The following COL9A1 variants were observed in gnomAD, a reference collection of about 807,000 sequenced individuals.
COL9A1 encodes collagen alpha-1(IX) chain.
Under a neutral mutation model 142.6 loss-of-function variants are expected in COL9A1, and 104 were observed. The ratio of observed to expected loss-of-function variants is 0.73; its 90% confidence interval spans 0.62 to 0.86. The LOEUF is 0.86. Ranked by LOEUF, COL9A1 falls within the 40% of genes least tolerant of loss-of-function variation. The pLI is 0.00. For missense variants in COL9A1, 1,210 were observed against 1,176.6 expected (o/e 1.03, Z -0.42); for synonymous variants, 466 against 396.0 (o/e 1.18, Z -2.10).
intron 10 of COL9A1, 42 bp downstream of exon 10, chr6:70,280,770 C>T (rs1773102288): frequency 6.3e-7 from 1 of 1,592,860 alleles, no homozygotes; most frequent in African/African-American, 1.3e-5. Context: ...GTACCCACCA[C>T]ACACCCCAGG....
At chr6:70,232,442 G>T (rs748515682) in intron 36 of COL9A1, 141 bp downstream of exon 36, 2 of 985,870 alleles carry the variant, frequency 2.0e-6, no homozygotes, top group Admixed American at 3.6e-5. Context: ...AATCTTCACC[G>T]TCACTATTGA....
intron 36 of COL9A1, among the ~76,000 whole-genome samples, chr6:70,229,341 T>C (rs1432905262): frequency 6.6e-6 from 1 of 152,120 alleles, no homozygotes; most frequent in Non-Finnish European, 1.5e-5. Context: ...GTTAGCCTCC[T>C]CAGTCAAAAA....
At chr6:70,244,019 G>T (rs758871003) in intron 28 of COL9A1, among the ~76,000 whole-genome samples, 1 of 152,010 alleles carries the variant, frequency 6.6e-6, no homozygotes, top group Non-Finnish European at 1.5e-5. Context: ...ATTCTGACTC[G>T]TGCTATTTAT....
intron 37 of COL9A1, among the ~76,000 whole-genome samples, chr6:70,221,305 T>G (rs1204186976): frequency 1.3e-5 from 2 of 152,198 alleles, no homozygotes; most frequent in East Asian, 1.9e-4. Flanking sequence ...ATTTCATAAT[T>G]AATCCACTGG....
rs138158570 is a variant in COL9A1, at chr6:70,218,051, G to A, written c.2582-970C>T. Among the ~76,000 whole-genome samples the A allele has an allele frequency of 7.5e-3, 1,143 of 152,284 alleles. 12 individuals carry two copies. Among genetic ancestry groups the A allele is most frequent in the African/African-American group, 0.026 (1,078 of 41,552 alleles). ...CTAGCTACTCAGGAGGCTGAGGCAG[G>A]AGAATTACTTGCACCCGGGAGGCAG... is the stretch of plus-strand genomic sequence containing the variant. On this transcript the variant is annotated intron_variant, in intron 37 of 37. Transcript: ENST00000357250.
At position 70,255,389 on chromosome 6, in the gene COL9A1, C is replaced by T. The variant is rs376101677; in HGVS notation, c.1505G>A (p.Gly502Asp). ...TGGAGGTCCTCGCTGTCCTTGATCA[C>T]CCTGTATGAAAATAAAATTTTGTTA... is the stretch of plus-strand genomic sequence containing the variant. ...PGPQGLPGAP[G>D]DQGQRGPPGE... Residue 502 changes from glycine to aspartate, a missense_variant and splice_region_variant, in exon 22 of 38, where the codon GGT (glycine) becomes GAT (aspartate). Transcript: ENST00000357250. The T allele has an allele frequency of 7.4e-6, 12 of 1,614,004 alleles. No individual in the cohort carries two copies. The African/African-American group carries it at 1.3e-4, about 18-fold the overall frequency.
At chr6:70,236,890 C>T (rs1373471178) in intron 33 of COL9A1, among the ~76,000 whole-genome samples, 1 of 151,460 alleles carries the variant, frequency 6.6e-6, no homozygotes, top group Non-Finnish European at 1.5e-5. Context: ...GGCGTGATCT[C>T]GGCTCACCAC....
intron 4 of COL9A1, among the ~76,000 whole-genome samples, chr6:70,297,959 T>C (rs1198262771): frequency 6.6e-6 from 1 of 152,146 alleles, no homozygotes; most frequent in African/African-American, 2.4e-5. Flanking sequence ...TACCGTAATA[T>C]TTTCCTCCCA....
At chr6:70,254,649 C>G (rs531252102) in intron 24 of COL9A1, 120 bp from the exon 25 acceptor site, 15 of 789,928 alleles carry the variant, frequency 1.9e-5, no homozygotes, top group African/African-American at 1.0e-4. Context: ...ACTTTACATG[C>G]ACTTTTATAA....
At chr6:70,224,645 G>T (rs1769112002) in intron 37 of COL9A1, among the ~76,000 whole-genome samples, 1 of 152,034 alleles carries the variant, frequency 6.6e-6, no homozygotes, top group Non-Finnish European at 1.5e-5. Context: ...CCTACTACTG[G>T]TGATGGAGAC....
chr6:70,293,123 G>A (rs1773716159), intron 5 of COL9A1, among the ~76,000 whole-genome samples: 1 of 152,030 alleles, frequency 6.6e-6, no homozygotes, highest in African/African-American at 2.4e-5. Flanking sequence ...TGAAATCATT[G>A]TATCACCCTG....
intron 20 of COL9A1, among the ~76,000 whole-genome samples, chr6:70,258,305 A>G (rs988792481): frequency 1.1e-4 from 16 of 152,348 alleles, no homozygotes; most frequent in Middle Eastern, 3.4e-3. Context: ...ATGAAAAACA[A>G]TCAAGAGTAC....
chr6:70,259,898 T>G (rs1771563228), intron 20 of COL9A1, among the ~76,000 whole-genome samples: 1 of 152,014 alleles, frequency 6.6e-6, no homozygotes. Flanking sequence ...CAGCCATAAG[T>G]GTATAACCCA....
chr6:70,257,560 C>A (rs11757395), intron 20 of COL9A1, among the ~76,000 whole-genome samples: 1 of 151,902 alleles, frequency 6.6e-6, no homozygotes, highest in Non-Finnish European at 1.5e-5. Flanking sequence ...ACAGCCTGGC[C>A]AACATGGAGA....
intron 19 of COL9A1, among the ~76,000 whole-genome samples, chr6:70,261,971 C>T (rs531980000): frequency 2.8e-4 from 43 of 152,162 alleles, no homozygotes; most frequent in African/African-American, 9.2e-4. Context: ...TCCCAAATAG[C>T]AGGAGGTAAT....
At chr6:70,267,318 G>GTTTTTTTTTTTT (rs1253782694) in intron 17 of COL9A1, among the ~76,000 whole-genome samples, 5 of 97,722 alleles carry the variant, frequency 5.1e-5, no homozygotes, top group Non-Finnish European at 9.2e-5. Flanking sequence ...TTGTTTGTTT[G>GTTTTTTTTTTTT]GTTTTTTTGT....
chr6:70,223,619 G>A (rs1050251773), intron 37 of COL9A1, among the ~76,000 whole-genome samples: 5 of 152,206 alleles, frequency 3.3e-5, no homozygotes, highest in Admixed American at 2.0e-4. Context: ...AATGTGGGCC[G>A]ACCTCGAAAC....
intron 29 of COL9A1, 58 bp downstream of exon 29, chr6:70,242,604 A>G: frequency 6.9e-7 from 1 of 1,450,302 alleles, no homozygotes; most frequent in Non-Finnish European, 9.7e-7. Context: ...CCTCTTGCTT[A>G]TTTTTAAAAA....
chr6:70,267,990 G>T (rs1772141289), intron 17 of COL9A1, among the ~76,000 whole-genome samples: 1 of 152,098 alleles, frequency 6.6e-6, no homozygotes, highest in Non-Finnish European at 1.5e-5. Context: ...TGAGAGACTA[G>T]AGAGAGAGAA....
Sources: gnomAD v4.1 joint callset for allele counts (sites outside exome capture counted in the v4.1 genomes callset) on GRCh38, gnomAD v4.1.1 for gene constraint, MANE v1.5 for transcripts, NCBI Gene and HGNC (gene_info 2026-07-23, HGNC 2026-07-21) for gene names.